Variants in AVP observed in about 807,000 individuals in gnomAD.
The protein encoded by AVP is vasopressin-neurophysin 2-copeptin.
AVP carries 9 observed loss-of-function variants against 11.1 expected under a neutral mutation model. The ratio of observed to expected loss-of-function variants is 0.81; its 90% CI spans 0.49 to 1.42. The LOEUF is 1.42. Among genes scored for constraint, AVP ranks in the 40% most tolerant of loss-of-function variants. AVP has a pLI of 0.00. For synonymous variants in AVP, 106 were observed against 111.3 expected (o/e 0.95, Z 0.30); for missense variants, 206 against 238.5 (o/e 0.86, Z 0.90).
rs2066122932 is a variant in AVP, at chr20:3,083,603, C to A, written c.121-425G>T. Reference sequence around the variant, plus strand: ...GGGCCCACCCCCTTCCCCACTACACCATGCGGAGAGGCCCTACCCATCCAG... The same window carrying A: ...GGGCCCACCCCCTTCCCCACTACACAATGCGGAGAGGCCCTACCCATCCAG... On this transcript the variant is annotated intron_variant, in intron 1 of 2. Transcript: ENST00000380293. This position sits in a 1 kb window ranked among gnomAD's most constrained non-coding sequence, Gnocchi z 5.4. 6.6e-6 allele frequency among the ~76,000 whole-genome samples: 1 copy of A among 152,170 alleles called. No individual in the cohort carries two copies. Among genetic ancestry groups the A allele is most frequent in the South Asian group, 2.1e-4 (1 of 4,828 alleles).
Position 3,083,979 on chromosome 20 carries a change from C to T in AVP, c.120+576G>A, listed in dbSNP as rs1439078199. ...AGCCTGGACAGAATTGCATGCACATCGTGATTGGATTTCCTTCAGCTCTGC... is the reference window on the plus strand; with the variant it reads ...AGCCTGGACAGAATTGCATGCACATTGTGATTGGATTTCCTTCAGCTCTGC... On this transcript the variant is annotated intron_variant, in intron 1 of 2. Coordinates refer to ENST00000380293, the MANE Select transcript of AVP (RefSeq NM_000490.5). The surrounding 1 kb of genome is among the most constrained non-coding windows in gnomAD (Gnocchi z 5.4). Among the ~76,000 whole-genome samples, 1 of 152,222 alleles carries T rather than the reference C, an allele frequency of 6.6e-6. No individual in the cohort carries two copies. Among genetic ancestry groups the T allele is most frequent in the East Asian group, 1.9e-4 (1 of 5,198 alleles).
rs775308351 is a variant in AVP at position 3,083,021 on chromosome 20, C to T, written c.278G>A (p.Gly93Glu). 5.8e-6 allele frequency: 9 copies of T among 1,547,608 alleles called. No homozygotes were observed. The highest frequency in any genetic ancestry group is 3.5e-6 in the Non-Finnish European group (4 of 1,157,466). The part of the protein sequence containing the change: ...SPCQSGQKAC[G>E]SGGRCAAFGV... The stretch of plus-strand genomic sequence containing the variant: ...GAAGGCGGCGCAGCGGCCCCCGCTC[C>T]CGCACGCCTTCTGGCCGGACTGGCA... The change falls in exon 2 of 3, where the codon GGG (glycine) becomes GAG (glutamate). Residue 93 changes from glycine (G) to glutamate (E), a missense_variant. Transcript: ENST00000380293. The surrounding 1 kb of genome is among the most constrained non-coding windows in gnomAD (Gnocchi z 5.4).
At chr20:3,084,435 T>C in intron 1 of AVP, 120 bp downstream of exon 1, 1 of 1,549,434 alleles carries the variant, frequency 6.5e-7, no homozygotes, top group African/African-American at 1.4e-5. Context: ...TCCCTCTTCC[T>C]CCCCCGAACT....
At chr20:3,084,508 G>T in intron 1 of AVP, 47 bp downstream of exon 1, 1 of 1,612,354 alleles carries the variant, frequency 6.2e-7, no homozygotes, top group Non-Finnish European at 8.5e-7. Flanking sequence ...CAGGGTGTCA[G>T]CACTGCCCGC....
At position 3,083,110 on chromosome 20, in the gene AVP, C is replaced by A; in HGVS notation, c.189G>T (p.Leu63=). Residue 63 remains leucine (L), a synonymous_variant, in exon 2 of 3, where the codon CTG becomes CTT. Transcript: ENST00000380293. This position sits in a 1 kb window ranked among gnomAD's most constrained non-coding sequence, Gnocchi z 5.4. ...FGPSICCADE[L]GCFVGTAEAL... The stretch of plus-strand genomic sequence containing the variant: ...CCTCAGCCGTGCCCACGAAGCAGCC[C>A]AGCTCGTCCGCGCAGCAGATGCTGG... 6.5e-7 allele frequency: 1 copy of A among 1,545,740 alleles called. No individual in the cohort carries two copies. The highest frequency in any genetic ancestry group is 2.5e-5 in the East Asian group (1 of 39,324).
In AVP at chr20:3,083,268, A is replaced by T; in HGVS notation, c.121-90T>A. 1 of 1,288,368 alleles carries T rather than the reference A, an allele frequency of 7.8e-7. No individual in the cohort carries two copies. The highest frequency in any genetic ancestry group is 1.0e-6 in the Non-Finnish European group (1 of 998,238). The allele number at this position is 1,288,368 out of a possible 1,614,324, so 79.8% of individuals were successfully genotyped here. A position where few individuals can be genotyped will look rare whatever the true frequency, so the allele number is the denominator to read the frequency against. ...CAGCGAGGCGGGGATGCTGGGGTCC[A>T]GGGCTCGGAGTGCGGGCGGGACACC... On this transcript the variant is annotated intron_variant, in intron 1 of 2. Coordinates refer to ENST00000380293, the MANE Select transcript of AVP (RefSeq NM_000490.5). The surrounding 1 kb of genome is among the most constrained non-coding windows in gnomAD (Gnocchi z 5.4).
chr20:3,082,667 G>A lies in AVP; in HGVS notation c.458C>T (p.Pro153Leu). The A allele has an allele frequency of 8.6e-6, 11 of 1,284,274 alleles. No individual in the cohort carries two copies. Among genetic ancestry groups the A allele is most frequent in the Non-Finnish European group, 1.1e-5 (11 of 1,019,482 alleles). The allele number at this position is 1,284,274 out of a possible 1,614,324, so 79.6% of individuals were successfully genotyped here. ...LLRLVQLAGA[P>L]EPFEPAQPDA... ...GGGCTGGGCGGGCTCGAAGGGCTCG[G>A]GCGCCCCGGCCAGCTGCACCAGCCG... The change falls in exon 3 of 3, where the codon CCC becomes CTC. Residue 153 changes from proline to leucine, a missense_variant. Around this residue, in one of 2 missense-constraint regions of AVP, gnomAD observed 106 missense variants for 89.2 expected, o/e 1.19. Transcript: ENST00000380293. This position sits in a 1 kb window ranked among gnomAD's most constrained non-coding sequence, Gnocchi z 4.7.
chr20:3,082,941 G>C lies in AVP; in HGVS notation c.322+36C>G, dbSNP rs1247733145. The C allele has an allele frequency of 9.1e-7, 1 of 1,100,518 alleles. No individual in the cohort carries two copies. Among genetic ancestry groups the C allele is most frequent in the Non-Finnish European group, 1.2e-6 (1 of 862,208 alleles). 68.2% of individuals were successfully genotyped at this position (1,100,518 alleles called of 1,614,324 possible). A position where few individuals can be genotyped will look rare whatever the true frequency, so the allele number is the denominator to read the frequency against. On this transcript the variant is annotated intron_variant, in intron 2 of 2. Coordinates refer to ENST00000380293, the MANE Select transcript of AVP (RefSeq NM_000490.5). The surrounding 1 kb of genome is among the most constrained non-coding windows in gnomAD (Gnocchi z 4.7). ...CGTCCCCCCCACCCAAGCGGTCTGC[G>C]CCCCCCCCAGCCCCAGGCCCGCCCC...
In AVP at chr20:3,083,444, C is replaced by T. The variant is rs988169873; in HGVS notation, c.121-266G>A. Among the ~76,000 whole-genome samples the T allele has an allele frequency of 2.0e-5, 3 of 152,126 alleles. No homozygotes were observed. Among genetic ancestry groups the T allele is most frequent in the African/African-American group, 7.2e-5 (3 of 41,428 alleles). ...CACCCTCAGCTAGGGACGGGTCTCC[C>T]GTGGACTACAGCGTGGGGAACCCTT... is the stretch of plus-strand genomic sequence containing the variant. On this transcript the variant is annotated intron_variant, in intron 1 of 2. Transcript: ENST00000380293. This position sits in a 1 kb window ranked among gnomAD's most constrained non-coding sequence, Gnocchi z 5.4.
chr20:3,082,961 C>T lies in AVP; in HGVS notation c.322+16G>A. 2.1e-6 allele frequency: 3 copies of T among 1,419,548 alleles called. No individual in the cohort carries two copies. Among genetic ancestry groups the T allele is most frequent in the Non-Finnish European group, 2.7e-6 (3 of 1,091,194 alleles). 87.9% of individuals were successfully genotyped at this position (1,419,548 alleles called of 1,614,324 possible). A position where few individuals can be genotyped will look rare whatever the true frequency, so the allele number is the denominator to read the frequency against. ...TCTGCGCCCCCCCCAGCCCCAGGCC[C>T]GCCCCCGCCGCGCACCGTCGTTGCA... On this transcript the variant is annotated intron_variant, in intron 2 of 2. Coordinates refer to ENST00000380293, the MANE Select transcript of AVP (RefSeq NM_000490.5). This position sits in a 1 kb window ranked among gnomAD's most constrained non-coding sequence, Gnocchi z 4.7.
rs765845431 is a variant in AVP at position 3,084,685 on chromosome 20, A to C, written c.-11T>G. 6.2e-7 allele frequency: 1 copy of C among 1,612,836 alleles called. No individual in the cohort carries two copies. The highest frequency in any genetic ancestry group is 1.1e-5 in the South Asian group (1 of 91,080). On this transcript the variant is annotated 5_prime_UTR_variant, in exon 1 of 3. Transcript: ENST00000380293. ...CATGGTGTCAGGCATCCTGGTGCAC[A>C]CAGGTGGACCCCGTATGCAGCACTG...
intron 1 of AVP, 88 bp downstream of exon 1, chr20:3,084,467 C>A: frequency 1.3e-5 from 21 of 1,601,612 alleles, no homozygotes; most frequent in Non-Finnish European, 1.7e-5. Flanking sequence ...CTACCACCAC[C>A]CATGACTTCC....
chr20:3,082,768 G>T lies in AVP; in HGVS notation c.357C>A (p.Gly119=). 1 of 1,264,292 alleles carries T rather than the reference G, an allele frequency of 7.9e-7. No individual in the cohort carries two copies. The highest frequency in any genetic ancestry group is 9.9e-7 in the Non-Finnish European group (1 of 1,007,222). The allele number at this position is 1,264,292 out of a possible 1,614,324, so 78.3% of individuals were successfully genotyped here. A position where few individuals can be genotyped will look rare whatever the true frequency, so the allele number is the denominator to read the frequency against. Residue 119 remains glycine (G), a synonymous_variant, in exon 3 of 3, where the codon GGC becomes GGA. Transcript: ENST00000380293. The surrounding 1 kb of genome is among the most constrained non-coding windows in gnomAD (Gnocchi z 4.7). ...SCVTEPECRE[G]FHRRARASDR... ...CGCTGGCGCGGGCGCGGCGGTGAAA[G>T]CCCTCGCGGCACTCGGGCTCGGTCA...
Position 3,082,563 on chromosome 20 carries a change from G to A in AVP, c.*67C>T. ...GAGACAGACGCGAGGCCGTGCATTG[G>A]CGGAGGTTTATTGTCCGTGCTGCAG... On this transcript the variant is annotated 3_prime_UTR_variant, in exon 3 of 3. Coordinates refer to ENST00000380293, the MANE Select transcript of AVP (RefSeq NM_000490.5). The surrounding 1 kb of genome is among the most constrained non-coding windows in gnomAD (Gnocchi z 4.7). 8.2e-7 allele frequency: 1 copy of A among 1,213,408 alleles called. No homozygotes were observed. The highest frequency in any genetic ancestry group is 1.0e-6 in the Non-Finnish European group (1 of 973,604). The allele number at this position is 1,213,408 out of a possible 1,614,324, so 75.2% of individuals were successfully genotyped here. A position where few individuals can be genotyped will look rare whatever the true frequency, so the allele number is the denominator to read the frequency against.
chr20:3,082,927 C>A lies in AVP; in HGVS notation c.322+50G>T, dbSNP rs2066118073. ...CCGCCGCAGGCCCGCGTCCCCCCCA[C>A]CCAAGCGGTCTGCGCCCCCCCCAGC... On this transcript the variant is annotated intron_variant, in intron 2 of 2. Coordinates refer to ENST00000380293, the MANE Select transcript of AVP (RefSeq NM_000490.5). This position sits in a 1 kb window ranked among gnomAD's most constrained non-coding sequence, Gnocchi z 4.7. 1.8e-6 allele frequency: 2 copies of A among 1,095,224 alleles called. No individual in the cohort carries two copies. The highest frequency in any genetic ancestry group is 2.0e-5 in the African/African-American group (1 of 48,986). 67.8% of individuals were successfully genotyped at this position (1,095,224 alleles called of 1,614,324 possible). A position where few individuals can be genotyped will look rare whatever the true frequency, so the allele number is the denominator to read the frequency against.
Position 3,083,263 on chromosome 20 carries a change from G to T in AVP, c.121-85C>A. 7.6e-7 allele frequency: 1 copy of T among 1,313,130 alleles called. No individual in the cohort carries two copies. Among genetic ancestry groups the T allele is most frequent in the Non-Finnish European group, 9.8e-7 (1 of 1,017,638 alleles). The allele number at this position is 1,313,130 out of a possible 1,614,324, so 81.3% of individuals were successfully genotyped here. On this transcript the variant is annotated intron_variant, in intron 1 of 2. Transcript: ENST00000380293. The surrounding 1 kb of genome is among the most constrained non-coding windows in gnomAD (Gnocchi z 5.4). ...GAACGCAGCGAGGCGGGGATGCTGG[G>T]GTCCAGGGCTCGGAGTGCGGGCGGG...
intron 1 of AVP, 143 bp downstream of exon 1, chr20:3,084,412 G>T: frequency 1.4e-6 from 2 of 1,460,540 alleles, no homozygotes; most frequent in Non-Finnish European, 1.9e-6. Flanking sequence ...CCTCTGCCCA[G>T]CCATGCCATG....
chr20:3,082,923 C>A lies in AVP; in HGVS notation c.322+54G>T. ...CACCCCGCCGCAGGCCCGCGTCCCCCCCACCCAAGCGGTCTGCGCCCCCCC... is the reference window on the plus strand; with the variant it reads ...CACCCCGCCGCAGGCCCGCGTCCCCACCACCCAAGCGGTCTGCGCCCCCCC... On this transcript the variant is annotated intron_variant, in intron 2 of 2. Transcript: ENST00000380293. The surrounding 1 kb of genome is among the most constrained non-coding windows in gnomAD (Gnocchi z 4.7). The A allele has an allele frequency of 9.3e-7, 1 of 1,079,514 alleles. No individual in the cohort carries two copies. The highest frequency in any genetic ancestry group is 1.2e-6 in the Non-Finnish European group (1 of 859,904). 66.9% of individuals were successfully genotyped at this position (1,079,514 alleles called of 1,614,324 possible).
rs1368462356 is a variant in AVP at position 3,082,625 on chromosome 20, G to C, written c.*5C>G. On this transcript the variant is annotated 3_prime_UTR_variant, in exon 3 of 3. Transcript: ENST00000380293. The surrounding 1 kb of genome is among the most constrained non-coding windows in gnomAD (Gnocchi z 4.7). ...AAGAGCGCGCCGGTGGGGCGAGCGC[G>C]GGGCTCAGTAGGCGTCGGGCTGGGC... 8.8e-6 allele frequency: 11 copies of C among 1,254,488 alleles called. No individual in the cohort carries two copies. Among genetic ancestry groups the C allele is most frequent in the Admixed American group, 4.2e-5 (1 of 23,532 alleles). 77.7% of individuals were successfully genotyped at this position (1,254,488 alleles called of 1,614,324 possible).
Sources: gnomAD v4.1 joint callset for allele counts (sites outside exome capture counted in the v4.1 genomes callset) on GRCh38, gnomAD v4.1.1 for gene constraint, gnomAD v4.1.1 regional missense constraint, Gnocchi (gnomAD v3.1) non-coding constraint, MANE v1.5 for transcripts, NCBI Gene and HGNC (gene_info 2026-07-23, HGNC 2026-07-21) for gene names.